The following SLC24A3 variants were observed in gnomAD, a reference collection of about 807,000 sequenced individuals.
SLC24A3 encodes sodium/potassium/calcium exchanger 3.
A neutral mutation model predicts 75.8 loss-of-function variants in SLC24A3; 28 were observed. That is an observed-to-expected ratio of 0.37 (90% CI 0.27 to 0.51). The LOEUF (loss-of-function observed/expected upper bound fraction) is 0.51. Among genes scored for constraint, SLC24A3 ranks in the 20% least tolerant of loss-of-function variants. SLC24A3 has a pLI of 0.94. For synonymous variants in SLC24A3, 372 were observed against 334.1 expected, an observed-to-expected ratio of 1.11 and a Z score of -1.24; for missense variants, 663 against 847.8, an observed-to-expected ratio of 0.78 and a Z score of 2.71.
At chr20:19,482,065 A>G (rs929399551) in intron 2 of SLC24A3, among the ~76,000 whole-genome samples, 1 of 152,132 alleles carries the variant, frequency 6.6e-6, no homozygotes, top group African/African-American at 2.4e-5. Flanking sequence ...ATGTTGCTTC[A>G]TTGGCCTCCA....
At chr20:19,427,479 G>C (rs73288767) in intron 2 of SLC24A3, among the ~76,000 whole-genome samples, 2 of 152,168 alleles carry the variant, frequency 1.3e-5, no homozygotes, top group Non-Finnish European at 2.9e-5. Context: ...GAAAGAAATC[G>C]ATTTTATGTT....
At chr20:19,366,581 A>C (rs2122349756) in intron 2 of SLC24A3, among the ~76,000 whole-genome samples, 1 of 152,280 alleles carries the variant, frequency 6.6e-6, no homozygotes, top group Admixed American at 6.5e-5. Context: ...GCAGTAATCA[A>C]ACTCTTCATC....
chr20:19,299,549 CT>C (rs774101725), intron 2 of SLC24A3, among the ~76,000 whole-genome samples: 1 of 152,160 alleles, frequency 6.6e-6, no homozygotes, highest in Admixed American at 6.5e-5. Context: ...AAAATAGAGG[CT>C]TTACTCACAA....
intron 2 of SLC24A3, among the ~76,000 whole-genome samples, chr20:19,313,085 T>C (rs1281387361): frequency 1.4e-5 from 2 of 140,012 alleles, no homozygotes; most frequent in African/African-American, 5.4e-5. Flanking sequence ...CACCCAGGCT[T>C]GAGTGCAATG....
intron 6 of SLC24A3, among the ~76,000 whole-genome samples, chr20:19,624,821 T>G (rs1020825043): frequency 3.3e-5 from 5 of 152,350 alleles, no homozygotes; most frequent in Non-Finnish European, 5.9e-5. Flanking sequence ...TGAGTTCTGA[T>G]TTTGTGGATG....
chr20:19,464,880 T>A (rs1481939903), intron 2 of SLC24A3, among the ~76,000 whole-genome samples: 1 of 152,170 alleles, frequency 6.6e-6, no homozygotes, highest in African/African-American at 2.4e-5. Context: ...CCAGCCCTAG[T>A]CAATATTGTC....
At chr20:19,672,444 C>T (rs2032479649) in intron 8 of SLC24A3, among the ~76,000 whole-genome samples, 1 of 152,126 alleles carries the variant, frequency 6.6e-6, no homozygotes, top group African/African-American at 2.4e-5. Context: ...AAGCAATCCT[C>T]CCGCCTCAGC....
At chr20:19,704,496 C>T (rs901719887) in intron 15 of SLC24A3, among the ~76,000 whole-genome samples, 1 of 152,158 alleles carries the variant, frequency 6.6e-6, no homozygotes, top group African/African-American at 2.4e-5. Flanking sequence ...CAAGACCTTT[C>T]CTCTTAGAGT....
At chr20:19,529,876 C>A (rs1454873488) in intron 3 of SLC24A3, among the ~76,000 whole-genome samples, 1 of 152,198 alleles carries the variant, frequency 6.6e-6, no homozygotes, top group African/African-American at 2.4e-5. Flanking sequence ...TGATTCCACT[C>A]TTTGCTCTGC....
chr20:19,264,719 A>C (rs1600400110), intron 1 of SLC24A3, among the ~76,000 whole-genome samples: 3 of 116,114 alleles, frequency 2.6e-5, no homozygotes, highest in African/African-American at 3.5e-5. Flanking sequence ...ACAGAGCGAG[A>C]CTCCATCTCA....
chr20:19,578,767 A>G (rs1459812365), intron 3 of SLC24A3, among the ~76,000 whole-genome samples: 1 of 152,184 alleles, frequency 6.6e-6, no homozygotes, highest in African/African-American at 2.4e-5. Flanking sequence ...TAACAGAGAC[A>G]TTCTAAATCA....
chr20:19,654,749 A>G (rs776340450), intron 7 of SLC24A3, among the ~76,000 whole-genome samples: 17 of 149,412 alleles, frequency 1.1e-4, no homozygotes, highest in South Asian at 2.1e-4. Flanking sequence ...CCGGGTCCCA[A>G]TGATTCTCCT....
chr20:19,279,206 A>G (rs1406856067), intron 1 of SLC24A3, among the ~76,000 whole-genome samples: 1 of 152,192 alleles, frequency 6.6e-6, no homozygotes, highest in Admixed American at 6.5e-5. Flanking sequence ...CACTTCAGAC[A>G]CCGTGTTGGT....
chr20:19,570,370 G>C, intron 3 of SLC24A3, among the ~76,000 whole-genome samples: 1 of 152,096 alleles, frequency 6.6e-6, no homozygotes, highest in Non-Finnish European at 1.5e-5. Flanking sequence ...GGGACACAGA[G>C]CCAAACCATA....
intron 1 of SLC24A3, among the ~76,000 whole-genome samples, chr20:19,260,541 G>T (rs772777143): frequency 3.9e-5 from 6 of 152,176 alleles, no homozygotes; most frequent in Non-Finnish European, 7.3e-5. Context: ...AATAATAGTA[G>T]CAAGAGCAGC....
intron 6 of SLC24A3, among the ~76,000 whole-genome samples, chr20:19,609,182 T>C (rs2031639361): frequency 6.6e-6 from 1 of 152,210 alleles, no homozygotes; most frequent in Non-Finnish European, 1.5e-5. Flanking sequence ...AAACTCTCTT[T>C]ATGACCATGC....
intron 9 of SLC24A3, among the ~76,000 whole-genome samples, chr20:19,679,213 A>G (rs992433335): frequency 7.2e-4 from 109 of 152,230 alleles, no homozygotes; most frequent in African/African-American, 2.5e-3. Flanking sequence ...CCTGGGCACC[A>G]TTGAGCACTG....
At chr20:19,672,064 C>G (rs1456190334) in intron 8 of SLC24A3, among the ~76,000 whole-genome samples, 3 of 152,044 alleles carry the variant, frequency 2.0e-5, no homozygotes, top group African/African-American at 7.2e-5. Context: ...TGGACAACCA[C>G]CCACTCATGC....
chr20:19,442,981 G>A (rs1268280428), intron 2 of SLC24A3, among the ~76,000 whole-genome samples: 1 of 152,094 alleles, frequency 6.6e-6, no homozygotes, highest in Non-Finnish European at 1.5e-5. Context: ...TTGATACCTT[G>A]TCAGAGATCA....
Sources: allele counts gnomAD v4.1 joint callset (sites outside exome capture counted in the v4.1 genomes callset), GRCh38; gene constraint gnomAD v4.1.1; transcripts MANE v1.5; gene names NCBI Gene and HGNC (gene_info 2026-07-23, HGNC 2026-07-21).